The following ATP2C2 variants were observed in gnomAD, a reference collection of about 807,000 sequenced individuals.
ATP2C2 encodes the protein calcium-transporting ATPase type 2C member 2.
Under a neutral mutation model 110.8 loss-of-function variants are expected in ATP2C2, and 171 were observed. The ratio of observed to expected loss-of-function variants is 1.54; its 90% CI spans 1.36 to 1.75. ATP2C2 has a LOEUF of 1.75. ATP2C2 is among the 40% of genes most tolerant of loss of function. The probability of loss-of-function intolerance (pLI) is 0.00; values close to 1 mark genes in which losing one functional copy is unlikely to be tolerated. For synonymous variants in ATP2C2, 804 were observed against 508.4 expected, an observed-to-expected ratio of 1.58 and a Z score of -7.82; for missense variants, 1,963 against 1,235.0, an observed-to-expected ratio of 1.59 and a Z score of -8.84.
chr16:84,405,100 T>G (rs754793826), intron 2 of ATP2C2, 28 bp from the exon 3 acceptor site: 1 of 1,592,732 alleles, frequency 6.3e-7, no homozygotes, highest in Non-Finnish European at 8.6e-7. Flanking sequence ...CGCCCATGAG[T>G]GAGCTTGTGC....
chr16:84,412,996 G>T (rs148132450), intron 6 of ATP2C2, among the ~76,000 whole-genome samples: 3,537 of 152,050 alleles, frequency 0.023, 56 homozygotes, highest in Middle Eastern at 0.068. Flanking sequence ...CTACTTGGGA[G>T]GCTGAGGCAG....
intron 3 of ATP2C2, among the ~76,000 whole-genome samples, chr16:84,406,288 C>T (rs1243870038): frequency 1.3e-5 from 2 of 152,226 alleles, no homozygotes; most frequent in South Asian, 2.1e-4. Context: ...GTCGGCAGTC[C>T]CTGCCACCTT....
At chr16:84,421,299 C>T (rs1037682466) in intron 7 of ATP2C2, among the ~76,000 whole-genome samples, 3 of 152,204 alleles carry the variant, frequency 2.0e-5, no homozygotes, top group African/African-American at 7.2e-5. Context: ...CTGTGGGGTC[C>T]ACTGGGAAGG....
At chr16:84,460,094 C>A (rs776085989) in intron 23 of ATP2C2, 6 of 199,740 alleles carry the variant, frequency 3.0e-5, no homozygotes, top group South Asian at 9.7e-5. Flanking sequence ...AGAGAGTCCT[C>A]ATTTGTGTCC....
intron 17 of ATP2C2, among the ~76,000 whole-genome samples, chr16:84,451,332 G>C (rs247887): frequency 0.41 from 61,918 of 152,086 alleles, 12,951 homozygotes; most frequent in East Asian, 0.6. Context: ...TACAGTTCAA[G>C]ATGAGATTTG....
intron 6 of ATP2C2, 133 bp from the exon 7 acceptor site, chr16:84,415,347 TAAC>T (rs1906736203): frequency 1.4e-6 from 1 of 719,026 alleles, no homozygotes; most frequent in African/African-American, 1.8e-5. Flanking sequence ...TTCAAAATAA[TAAC>T]ACCCCAAAGG....
intron 21 of ATP2C2, among the ~76,000 whole-genome samples, chr16:84,455,607 C>T (rs575443055): frequency 7.8e-4 from 118 of 152,096 alleles, no homozygotes; most frequent in Middle Eastern, 3.4e-3. Flanking sequence ...ATAAGCTAAT[C>T]GCAGTGGTTA....
chr16:84,421,031 C>G (rs1235070986), intron 7 of ATP2C2, among the ~76,000 whole-genome samples: 1 of 152,120 alleles, frequency 6.6e-6, no homozygotes, highest in African/African-American at 2.4e-5. Flanking sequence ...GTCTCGAACT[C>G]CTGACTTCAA....
At chr16:84,419,256 C>G (rs934179129) in intron 7 of ATP2C2, among the ~76,000 whole-genome samples, 4 of 144,382 alleles carry the variant, frequency 2.8e-5, no homozygotes, top group African/African-American at 2.6e-5. Flanking sequence ...TGGGGCCATG[C>G]TCCTGCAGAG....
intron 7 of ATP2C2, among the ~76,000 whole-genome samples, chr16:84,422,159 T>C (rs1014713314): frequency 7.2e-5 from 11 of 152,186 alleles, no homozygotes; most frequent in African/African-American, 2.7e-4. Context: ...TATCAAAATT[T>C]CGAACAACAT....
chr16:84,393,804 G>T (rs1229909821), intron 1 of ATP2C2, among the ~76,000 whole-genome samples: 1 of 151,788 alleles, frequency 6.6e-6, no homozygotes, highest in Non-Finnish European at 1.5e-5. Flanking sequence ...GAGAGAGTCA[G>T]GAGGACGGTT....
intron 14 of ATP2C2, 152 bp downstream of exon 14, chr16:84,441,110 C>G (rs976524048): frequency 4.3e-6 from 3 of 694,108 alleles, no homozygotes; most frequent in Admixed American, 2.5e-5. Context: ...GAAAAAATGG[C>G]CTCAAAAGTG....
chr16:84,369,834 G>T (rs1225721232), intron 1 of ATP2C2, among the ~76,000 whole-genome samples: 2 of 152,150 alleles, frequency 1.3e-5, no homozygotes, highest in Non-Finnish European at 2.9e-5. Flanking sequence ...TCTGGTCTTA[G>T]GGTGGTAGGC....
At chr16:84,376,646 C>G (rs953829296) in intron 1 of ATP2C2, among the ~76,000 whole-genome samples, 1 of 152,078 alleles carries the variant, frequency 6.6e-6, no homozygotes. Context: ...GATTGGACAC[C>G]CCTTGTGTAG....
chr16:84,401,831 A>G (rs947258870), intron 2 of ATP2C2, among the ~76,000 whole-genome samples: 2 of 152,200 alleles, frequency 1.3e-5, no homozygotes, highest in Non-Finnish European at 2.9e-5. Flanking sequence ...GTGGTTCCAT[A>G]TAAATTTTTA....
chr16:84,416,021 A>T (rs981382773), intron 7 of ATP2C2, among the ~76,000 whole-genome samples: 1 of 152,184 alleles, frequency 6.6e-6, no homozygotes, highest in Non-Finnish European at 1.5e-5. Context: ...TAAAAATACA[A>T]TAATTAGCTA....
At chr16:84,389,148 G>C (rs1045676757) in intron 1 of ATP2C2, among the ~76,000 whole-genome samples, 4 of 152,126 alleles carry the variant, frequency 2.6e-5, no homozygotes, top group Non-Finnish European at 5.9e-5. Context: ...AAACCCCCAG[G>C]GGCCAAGTGC....
At chr16:84,403,970 C>T (rs982292020) in intron 2 of ATP2C2, among the ~76,000 whole-genome samples, 2 of 152,170 alleles carry the variant, frequency 1.3e-5, no homozygotes, top group Admixed American at 1.3e-4. Context: ...GGATTACAAG[C>T]CTGAGCCACC....
Position 84,462,009 on chromosome 16 carries a change from G to C in ATP2C2, c.2602G>C (p.Gly868Arg), listed in dbSNP as rs374606644. 3.1e-6 allele frequency: 5 copies of C among 1,613,754 alleles called. No homozygotes were observed. Among genetic ancestry groups the C allele is most frequent in the Non-Finnish European group, 4.2e-6 (5 of 1,179,832 alleles). The change falls in exon 26 of 27, where the codon GGC becomes CGC. Residue 868 changes from glycine (G) to arginine (R), a missense_variant. By Grantham distance (125) the Gly-to-Arg change is moderately radical (BLOSUM62 -2). Transcript: ENST00000262429. Reference protein sequence around the residue: ...RSQTKLIFEIGFLRNHMFLYS... With the variant: ...RSQTKLIFEIRFLRNHMFLYS... ...GCAGACCAAGCTGATATTTGAGATC[G>C]GCTTTCTCAGGAACCACATGTTCCT...
Sources: gnomAD v4.1 joint callset for allele counts (sites outside exome capture counted in the v4.1 genomes callset) on GRCh38, gnomAD v4.1.1 for gene constraint, MANE v1.5 for transcripts, NCBI Gene and HGNC (gene_info 2026-07-23, HGNC 2026-07-21) for gene names.